The following DENND5B variants were observed in gnomAD, a reference collection of about 807,000 sequenced individuals.
DENND5B encodes DENN domain-containing protein 5B.
Under a neutral mutation model 140.6 loss-of-function variants are expected in DENND5B, and 34 were observed. The observed-to-expected ratio is 0.24, with a 90% confidence interval of 0.18 to 0.32. The LOEUF is 0.32. DENND5B is among the 10% of genes least tolerant of loss of function. DENND5B has a pLI of 1.00. For synonymous variants in DENND5B, 551 were observed against 562.1 expected (o/e 0.98, Z 0.28); for missense variants, 1,142 against 1,560.2 (o/e 0.73, Z 4.52).
intron 3 of DENND5B, among the ~76,000 whole-genome samples, chr12:31,469,579 G>A (rs978001970): frequency 6.6e-6 from 1 of 152,126 alleles, no homozygotes; most frequent in Non-Finnish European, 1.5e-5. Flanking sequence ...AGAACTTGAG[G>A]GGTTGGGGGA....
intron 1 of DENND5B, 22 bp downstream of exon 1, chr12:31,590,684 G>A: frequency 6.9e-7 from 1 of 1,455,624 alleles, no homozygotes. Context: ...GGGGCTCAGC[G>A]CCGCCGCAGC....
At chr12:31,470,717 C>A (rs1265496216) in intron 3 of DENND5B, among the ~76,000 whole-genome samples, 1 of 152,204 alleles carries the variant, frequency 6.6e-6, no homozygotes, top group African/African-American at 2.4e-5. Context: ...ATGAATTGAA[C>A]TGTTGGGCAT....
chr12:31,528,964 C>T (rs1264364614), intron 1 of DENND5B, among the ~76,000 whole-genome samples: 1 of 151,856 alleles, frequency 6.6e-6, no homozygotes, highest in Admixed American at 6.6e-5. Flanking sequence ...AGTCCAAGAG[C>T]AGCCTGGCCA....
chr12:31,550,780 C>G (rs1949026527), intron 1 of DENND5B, among the ~76,000 whole-genome samples: 1 of 152,162 alleles, frequency 6.6e-6, no homozygotes, highest in African/African-American at 2.4e-5. Context: ...GATGGTATCT[C>G]ATTGCGGTTT....
intron 1 of DENND5B, among the ~76,000 whole-genome samples, chr12:31,555,112 T>C (rs1592041702): frequency 6.6e-6 from 1 of 152,214 alleles, no homozygotes; most frequent in Admixed American, 6.5e-5. Flanking sequence ...GCTGCGTTCC[T>C]TTGGAGGAGG....
At chr12:31,516,477 CAA>C (rs58069719) in intron 1 of DENND5B, among the ~76,000 whole-genome samples, 29 of 68,642 alleles carry the variant, frequency 4.2e-4, no homozygotes, top group Admixed American at 9.1e-4. Context: ...GACCCTGTCT[CAA>C]AAAAAAAAAA....
At chr12:31,516,160 T>C (rs1404714102) in intron 1 of DENND5B, among the ~76,000 whole-genome samples, 1 of 152,136 alleles carries the variant, frequency 6.6e-6, no homozygotes, top group African/African-American at 2.4e-5. Context: ...CAGCATATTC[T>C]CTGTGTTAGT....
intron 12 of DENND5B, 54 bp downstream of exon 12, chr12:31,415,313 C>A: frequency 3.5e-6 from 5 of 1,428,216 alleles, no homozygotes; most frequent in Non-Finnish European, 2.9e-6. Context: ...TTAAAAGCCA[C>A]AAAATACTTC....
chr12:31,511,537 C>CTT (rs59147620), intron 1 of DENND5B, among the ~76,000 whole-genome samples: 3 of 114,994 alleles, frequency 2.6e-5, no homozygotes, highest in Admixed American at 1.1e-4. Flanking sequence ...AATATGATGT[C>CTT]TTTTTTTTTT....
At chr12:31,523,548 CCATCTTATTAG>C (rs1565662551) in intron 1 of DENND5B, among the ~76,000 whole-genome samples, 1 of 151,920 alleles carries the variant, frequency 6.6e-6, no homozygotes, top group African/African-American at 2.4e-5. Context: ...GAATGTCTGG[CCATCTTATTAG>C]CATCTTATTA....
chr12:31,586,713 TA>T (rs1288693644), intron 1 of DENND5B, among the ~76,000 whole-genome samples: 2 of 152,204 alleles, frequency 1.3e-5, no homozygotes, highest in African/African-American at 4.8e-5. Context: ...GTGTGAATTC[TA>T]GGAATATGCG....
At chr12:31,454,415 C>A (rs1229802867) in intron 4 of DENND5B, among the ~76,000 whole-genome samples, 1 of 152,132 alleles carries the variant, frequency 6.6e-6, no homozygotes, top group Non-Finnish European at 1.5e-5. Context: ...TCGCATCTTG[C>A]TGAAGACAGT....
At chr12:31,488,659 T>G (rs1212621924) in intron 2 of DENND5B, among the ~76,000 whole-genome samples, 1 of 152,254 alleles carries the variant, frequency 6.6e-6, no homozygotes, top group Admixed American at 6.5e-5. Context: ...TATACAGTAC[T>G]GTTTTATATC....
At chr12:31,552,395 C>A (rs745546160) in intron 1 of DENND5B, among the ~76,000 whole-genome samples, 3 of 152,214 alleles carry the variant, frequency 2.0e-5, no homozygotes, top group Non-Finnish European at 4.4e-5. Flanking sequence ...ACCAGCCTTG[C>A]ATCCCAGGGA....
intron 1 of DENND5B, among the ~76,000 whole-genome samples, chr12:31,576,955 CT>C (rs1372588462): frequency 6.6e-6 from 1 of 151,886 alleles, no homozygotes; most frequent in African/African-American, 2.4e-5. Context: ...GATACAAGAA[CT>C]TTTTTGTCAA....
intron 2 of DENND5B, among the ~76,000 whole-genome samples, chr12:31,483,269 T>C (rs1679940449): frequency 6.6e-6 from 1 of 152,224 alleles, no homozygotes; most frequent in South Asian, 2.1e-4. Context: ...ACTTTTTCTA[T>C]AAAGAGACAG....
At chr12:31,541,896 A>C (rs1287611780) in intron 1 of DENND5B, among the ~76,000 whole-genome samples, 3 of 152,208 alleles carry the variant, frequency 2.0e-5, no homozygotes, top group Non-Finnish European at 4.4e-5. Context: ...GTTGTCTGCA[A>C]CACCGTGGAT....
intron 1 of DENND5B, among the ~76,000 whole-genome samples, chr12:31,574,267 A>AATAATAATAATAAT (rs1555175967): frequency 1.1e-5 from 1 of 89,702 alleles, no homozygotes; most frequent in Admixed American, 1.6e-4. Flanking sequence ...TGTCTCTAAA[A>AATAATAATAATAAT]AATAATAATA....
chr12:31,550,679 G>C (rs534881100), intron 1 of DENND5B, among the ~76,000 whole-genome samples: 4 of 152,114 alleles, frequency 2.6e-5, no homozygotes, highest in East Asian at 1.9e-4. Context: ...ACAGTCCCAA[G>C]AACAGTGTAA....
Sources: allele counts gnomAD v4.1 joint callset (sites outside exome capture counted in the v4.1 genomes callset), GRCh38; gene constraint gnomAD v4.1.1; transcripts MANE v1.5; gene names NCBI Gene and HGNC (gene_info 2026-07-23, HGNC 2026-07-21).